Variants in AGBL4 observed in about 807,000 individuals in gnomAD.
AGBL4 encodes the protein AGBL carboxypeptidase 4.
AGBL4 carries 58 observed loss-of-function variants against 66.4 expected under a neutral mutation model. The observed-to-expected ratio is 0.87, with a 90% confidence interval of 0.71 to 1.09. The LOEUF (loss-of-function observed/expected upper bound fraction) is 1.09. AGBL4 is among the 50% of genes least tolerant of loss of function. AGBL4 has a pLI of 0.00. For missense variants in AGBL4, 579 were observed against 631.0 expected (o/e 0.92, Z 0.88); for synonymous variants, 234 against 222.9 (o/e 1.05, Z -0.44).
chr1:49,617,772 A>G (rs1409830336), intron 3 of AGBL4, among the ~76,000 whole-genome samples: 1 of 152,234 alleles, frequency 6.6e-6, no homozygotes, highest in African/African-American at 2.4e-5. Flanking sequence ...GATAAGAAAG[A>G]AAGATGTTAT....
chr1:48,897,827 T>A (rs1651678036), intron 5 of AGBL4, among the ~76,000 whole-genome samples: 1 of 121,082 alleles, frequency 8.3e-6, no homozygotes, highest in Admixed American at 8.7e-5. Context: ...TTTTTTTTTT[T>A]TAAGACGGAG....
At chr1:49,310,919 T>C (rs1644931615) in intron 3 of AGBL4, among the ~76,000 whole-genome samples, 1 of 152,036 alleles carries the variant, frequency 6.6e-6, no homozygotes, top group Admixed American at 6.6e-5. Context: ...CAAAGCCATA[T>C]AGTGCATAAG....
intron 1 of AGBL4, among the ~76,000 whole-genome samples, chr1:49,917,236 T>C (rs561836948): frequency 6.6e-6 from 1 of 152,090 alleles, no homozygotes; most frequent in Non-Finnish European, 1.5e-5. Context: ...CACATAACAA[T>C]ATTAACCTTA....
intron 6 of AGBL4, among the ~76,000 whole-genome samples, chr1:48,774,413 G>A (rs1305204815): frequency 6.6e-6 from 1 of 152,174 alleles, no homozygotes; most frequent in Non-Finnish European, 1.5e-5. Context: ...TCTATGCAGG[G>A]CAGTGGGTAC....
chr1:48,592,953 T>C (rs1644940964), intron 9 of AGBL4, among the ~76,000 whole-genome samples: 1 of 152,262 alleles, frequency 6.6e-6, no homozygotes, highest in Non-Finnish European at 1.5e-5. Context: ...CATATAGGTG[T>C]GGCTTCCACT....
chr1:49,273,709 C>T (rs918433760), intron 3 of AGBL4, among the ~76,000 whole-genome samples: 1 of 151,844 alleles, frequency 6.6e-6, no homozygotes, highest in East Asian at 1.9e-4. Flanking sequence ...TGGAGTCTCT[C>T]TCTGTCACTC....
At chr1:49,097,008 C>A (rs1213197006) in intron 4 of AGBL4, among the ~76,000 whole-genome samples, 1 of 152,070 alleles carries the variant, frequency 6.6e-6, no homozygotes, top group African/African-American at 2.4e-5. Context: ...AAGGAACTAG[C>A]CCTGCCAACA....
At chr1:49,919,446 A>C (rs900752411) in intron 1 of AGBL4, among the ~76,000 whole-genome samples, 7 of 152,190 alleles carry the variant, frequency 4.6e-5, no homozygotes, top group African/African-American at 1.2e-4. Context: ...CACCAATAAC[A>C]GACAAACAGA....
intron 11 of AGBL4, among the ~76,000 whole-genome samples, chr1:48,583,302 A>G (rs1318260521): frequency 2.0e-5 from 3 of 152,194 alleles, no homozygotes; most frequent in African/African-American, 4.8e-5. Context: ...AATGTCACTT[A>G]ATATTTAGTT....
intron 5 of AGBL4, among the ~76,000 whole-genome samples, chr1:49,008,961 A>C (rs1015529353): frequency 2.7e-5 from 4 of 150,844 alleles, no homozygotes; most frequent in Non-Finnish European, 5.9e-5. Flanking sequence ...GATCACAATT[A>C]AAAGAACTAG....
At chr1:49,524,692 G>A (rs1331518159) in intron 3 of AGBL4, among the ~76,000 whole-genome samples, 1 of 151,332 alleles carries the variant, frequency 6.6e-6, no homozygotes, top group African/African-American at 2.4e-5. Flanking sequence ...ATCCCTCTCT[G>A]CCCAGGAAAC....
At chr1:49,578,971 G>T (rs1644490466) in intron 3 of AGBL4, among the ~76,000 whole-genome samples, 1 of 152,132 alleles carries the variant, frequency 6.6e-6, no homozygotes, top group Admixed American at 6.5e-5. Flanking sequence ...CCCTTAATTG[G>T]GTGGGTGCCA....
chr1:48,725,960 T>C (rs1647245659), intron 6 of AGBL4, among the ~76,000 whole-genome samples: 1 of 152,156 alleles, frequency 6.6e-6, no homozygotes. Context: ...TCTTTTTTAT[T>C]TATAGAGCCC....
rs910661654 is a variant in AGBL4 at position 49,295,329 on chromosome 1, G to T, written c.283-49465C>A. On this transcript the variant is annotated intron_variant, in intron 3 of 13. Transcript: ENST00000371839. ...TACCAGAACATGGCAGAGTGACAAA[G>T]TGGAGCCTCTGGGATCATAGAGGAA... 5.3e-5 allele frequency among the ~76,000 whole-genome samples: 8 copies of T among 152,312 alleles called. No homozygotes were observed. The South Asian group carries it at 1.7e-3, about 32-fold the overall frequency.
At chr1:49,054,861 C>G (rs1034650235) in intron 4 of AGBL4, among the ~76,000 whole-genome samples, 1 of 151,748 alleles carries the variant, frequency 6.6e-6, no homozygotes, top group Non-Finnish European at 1.5e-5. Flanking sequence ...GTTAATGAGA[C>G]TTTTACATTT....
intron 3 of AGBL4, among the ~76,000 whole-genome samples, chr1:49,637,300 T>A (rs1274785040): frequency 1.3e-5 from 2 of 152,102 alleles, no homozygotes; most frequent in African/African-American, 2.4e-5. Flanking sequence ...ATTCTTTTAT[T>A]TTTATTTTTA....
intron 6 of AGBL4, among the ~76,000 whole-genome samples, chr1:48,850,911 A>ACCTAGAAGC (rs1182833520): frequency 1.3e-5 from 2 of 152,324 alleles, no homozygotes. Context: ...TGACTTTTCC[A>ACCTAGAAGC]CCTAGAAGCC....
intron 3 of AGBL4, among the ~76,000 whole-genome samples, chr1:49,696,212 G>A (rs540746391): frequency 6.6e-5 from 10 of 152,208 alleles, no homozygotes; most frequent in Non-Finnish European, 2.9e-5. Flanking sequence ...AGTCTTCCAT[G>A]ATCAGTTGTC....
chr1:48,957,422 C>T (rs1657571707), intron 5 of AGBL4, among the ~76,000 whole-genome samples: 1 of 152,118 alleles, frequency 6.6e-6, no homozygotes, highest in Admixed American at 6.5e-5. Flanking sequence ...AATGCTGTGA[C>T]TAAAGAAATC....
Sources: allele counts gnomAD v4.1 joint callset (sites outside exome capture counted in the v4.1 genomes callset), GRCh38; gene constraint gnomAD v4.1.1; transcripts MANE v1.5; gene names NCBI Gene and HGNC (gene_info 2026-07-23, HGNC 2026-07-21).